The following HABP4 variants were observed in gnomAD, a reference collection of about 807,000 sequenced individuals.
The protein encoded by HABP4 is intracellular hyaluronan-binding protein 4.
HABP4 carries 32 observed loss-of-function variants against 44.1 expected under a neutral mutation model. The observed-to-expected ratio is 0.73, with a 90% CI of 0.55 to 0.97. The LOEUF is 0.97. HABP4 is among the 50% of genes least tolerant of loss of function. The pLI, the probability that HABP4 is intolerant of heterozygous loss-of-function variation, is 0.00. For missense variants in HABP4, 503 were observed against 561.9 expected, an observed-to-expected ratio of 0.90 and a Z score of 1.06; for synonymous variants, 216 against 218.0, an observed-to-expected ratio of 0.99 and a Z score of 0.08.
At position 96,490,135 on chromosome 9, in the gene HABP4, T is replaced by A. The variant is rs1390679310; in HGVS notation, c.*97T>A. 8.1e-5 allele frequency: 64 copies of A among 785,342 alleles called. No homozygotes were observed. In the East Asian group the frequency reaches 1.6e-3, roughly 20 times the overall value. 48.6% of individuals were successfully genotyped at this position (785,342 alleles called of 1,614,324 possible). On this transcript the variant is annotated 3_prime_UTR_variant, in exon 8 of 8. Coordinates refer to ENST00000375249, the MANE Select transcript of HABP4 (RefSeq NM_014282.4). The stretch of plus-strand genomic sequence containing the variant: ...GGAGTCAGACTCTAAGAACAATAGA[T>A]GTTGCTTTTCCCGTGTCATGTAAAT...
chr9:96,462,932 TTAC>T (rs1385520835), intron 2 of HABP4, among the ~76,000 whole-genome samples: 1 of 151,934 alleles, frequency 6.6e-6, no homozygotes, highest in East Asian at 1.9e-4. Context: ...AAAAAAAAAA[TTAC>T]TGTTACTTTT....
chr9:96,463,828 G>T (rs1832550265), intron 2 of HABP4, among the ~76,000 whole-genome samples: 1 of 152,210 alleles, frequency 6.6e-6, no homozygotes, highest in African/African-American at 2.4e-5. Flanking sequence ...CATAAAAGTA[G>T]ATTGTAACAT....
At chr9:96,459,120 C>G (rs1285906765) in intron 2 of HABP4, among the ~76,000 whole-genome samples, 1 of 152,146 alleles carries the variant, frequency 6.6e-6, no homozygotes, top group Non-Finnish European at 1.5e-5. Context: ...GAAGAGCACT[C>G]TTAAAAAGAA....
chr9:96,460,171 A>G (rs1171626279), intron 2 of HABP4, among the ~76,000 whole-genome samples: 1 of 152,194 alleles, frequency 6.6e-6, no homozygotes, highest in Non-Finnish European at 1.5e-5. Flanking sequence ...AAAAATAGCT[A>G]TTAAGTGAAA....
At chr9:96,452,269 G>T (rs916598726) in intron 1 of HABP4, among the ~76,000 whole-genome samples, 1 of 151,520 alleles carries the variant, frequency 6.6e-6, no homozygotes, top group African/African-American at 2.4e-5. Context: ...AAAAACGTGA[G>T]ACGAGTTAGT....
intron 5 of HABP4, among the ~76,000 whole-genome samples, chr9:96,478,605 T>C (rs1832824488): frequency 6.6e-6 from 1 of 152,094 alleles, no homozygotes; most frequent in African/African-American, 2.4e-5. Flanking sequence ...TTTTTATAAC[T>C]TTCAGTCATT....
chr9:96,489,626 T>G (rs1435903715), intron 7 of HABP4, among the ~76,000 whole-genome samples: 1 of 152,246 alleles, frequency 6.6e-6, no homozygotes, highest in African/African-American at 2.4e-5. Context: ...GATGGTCAGT[T>G]TCTCCAGCAC....
Position 96,489,966 on chromosome 9 carries a change from T to G in HABP4, c.1186-16T>G. ...GAAGGGGCAGTGGATTTCAAAGTAT[T>G]TCTTTTTTTCTTTAGATGCAAGATG... On this transcript the variant is annotated splice_polypyrimidine_tract_variant and intron_variant, in intron 7 of 7. Coordinates refer to ENST00000375249, the MANE Select transcript of HABP4 (RefSeq NM_014282.4). 2.0e-6 allele frequency: 3 copies of G among 1,523,982 alleles called. No individual in the cohort carries two copies. The highest frequency in any genetic ancestry group is 2.7e-6 in the Non-Finnish European group (3 of 1,097,658). 94.4% of individuals were successfully genotyped at this position (1,523,982 alleles called of 1,614,324 possible).
At chr9:96,458,688 A>C in intron 2 of HABP4, 147 bp downstream of exon 2, 1 of 569,906 alleles carries the variant, frequency 1.8e-6, no homozygotes, top group East Asian at 3.2e-5. Flanking sequence ...CAATGGTGCG[A>C]TCTCGGCTCA....
At chr9:96,461,881 C>G (rs1832505555) in intron 2 of HABP4, among the ~76,000 whole-genome samples, 1 of 152,124 alleles carries the variant, frequency 6.6e-6, no homozygotes, top group Non-Finnish European at 1.5e-5. Context: ...CTCTTGGCGG[C>G]ACAGTGGCTC....
intron 5 of HABP4, among the ~76,000 whole-genome samples, chr9:96,481,625 G>C (rs1832881772): frequency 6.6e-6 from 1 of 151,936 alleles, no homozygotes; most frequent in Non-Finnish European, 1.5e-5. Context: ...CGTACCTGTA[G>C]TCCCAGCTAC....
chr9:96,456,571 T>C (rs775898863), intron 1 of HABP4, among the ~76,000 whole-genome samples: 2 of 150,750 alleles, frequency 1.3e-5, no homozygotes, highest in African/African-American at 2.4e-5. Flanking sequence ...CCATCCTGGG[T>C]AACACGGTGA....
At chr9:96,471,970 G>T (rs760369275) in intron 5 of HABP4, among the ~76,000 whole-genome samples, 14 of 152,054 alleles carry the variant, frequency 9.2e-5, no homozygotes, top group Non-Finnish European at 1.8e-4. Flanking sequence ...TGTATTTTTA[G>T]TAGAGACGGG....
Position 96,450,174 on chromosome 9 carries a change from C to G in HABP4, c.-106C>G. 2 of 1,146,672 alleles carry G rather than the reference C, an allele frequency of 1.7e-6. No homozygotes were observed. Among genetic ancestry groups the G allele is most frequent in the Non-Finnish European group, 2.2e-6 (2 of 920,650 alleles). 71.0% of individuals were successfully genotyped at this position (1,146,672 alleles called of 1,614,324 possible). A position where few individuals can be genotyped will look rare whatever the true frequency, so the allele number is the denominator to read the frequency against. ...CGGTAGGGGCCGGACAGGGTAGGGC[C>G]CGGAGGGCGGTGGCGGCGGAGCGGG... is the stretch of plus-strand genomic sequence containing the variant. On this transcript the variant is annotated 5_prime_UTR_variant, in exon 1 of 8. Coordinates refer to ENST00000375249, the MANE Select transcript of HABP4 (RefSeq NM_014282.4). This position sits in a 1 kb window ranked among gnomAD's most constrained non-coding sequence, Gnocchi z 4.8.
At chr9:96,479,453 C>A (rs1167320955) in intron 5 of HABP4, among the ~76,000 whole-genome samples, 1 of 151,846 alleles carries the variant, frequency 6.6e-6, no homozygotes, top group Admixed American at 6.6e-5. Flanking sequence ...TAATTTAAAT[C>A]TGTTTTATAA....
At chr9:96,456,717 G>A (rs1221108694) in intron 1 of HABP4, among the ~76,000 whole-genome samples, 2 of 133,562 alleles carry the variant, frequency 1.5e-5, no homozygotes, top group African/African-American at 2.9e-5. Flanking sequence ...CCGAGATGGC[G>A]CCGCTGTACT....
At chr9:96,471,129 G>C (rs1832691263) in intron 5 of HABP4, 35 bp downstream of exon 5, 1 of 1,079,914 alleles carries the variant, frequency 9.3e-7, no homozygotes, top group Non-Finnish European at 1.4e-6. Flanking sequence ...TTGTGGTGTT[G>C]GTTCTCTTCT....
chr9:96,473,391 G>A (rs1275597451), intron 5 of HABP4, among the ~76,000 whole-genome samples: 1 of 152,132 alleles, frequency 6.6e-6, no homozygotes, highest in African/African-American at 2.4e-5. Flanking sequence ...CCAAAACCCA[G>A]TCCTTCCCTC....
At chr9:96,480,512 C>G (rs1242968231) in intron 5 of HABP4, among the ~76,000 whole-genome samples, 1 of 152,126 alleles carries the variant, frequency 6.6e-6, no homozygotes, top group African/African-American at 2.4e-5. Flanking sequence ...CAAAACACAG[C>G]AAAGTTTAAA....
Sources: gnomAD v4.1 joint callset for allele counts (sites outside exome capture counted in the v4.1 genomes callset) on GRCh38, gnomAD v4.1.1 for gene constraint, Gnocchi (gnomAD v3.1) non-coding constraint, MANE v1.5 for transcripts, NCBI Gene and HGNC (gene_info 2026-07-23, HGNC 2026-07-21) for gene names.